Variants in NEMP2 observed in about 807,000 individuals in gnomAD.
The protein encoded by NEMP2 is nuclear envelope integral membrane protein 2, also known as UPF0571 transmembrane protein.
In NEMP2, 53 loss-of-function variants were observed where a neutral mutation model predicts 54.2. The observed-to-expected ratio is 0.98, with a 90% CI of 0.78 to 1.23. NEMP2 has a LOEUF of 1.23. Among genes scored for constraint, NEMP2 ranks in the 50% most tolerant of loss-of-function variants. NEMP2 has a pLI of 0.00. For synonymous variants in NEMP2, 197 were observed against 190.3 expected (o/e 1.04, Z -0.29); for missense variants, 455 against 511.3 (o/e 0.89, Z 1.06).
the NEMP2 span, among the ~76,000 whole-genome samples, chr2:190,429,466 C>T: frequency 6.6e-5 from 10 of 152,110 alleles, no homozygotes; most frequent in Admixed American, 3.9e-4. Flanking sequence ...GCTGGGATTA[C>T]AGGCACCCAC....
At chr2:190,645,510 C>T in the NEMP2 span, among the ~76,000 whole-genome samples, 1 of 152,146 alleles carries the variant, frequency 6.6e-6, no homozygotes, top group Non-Finnish European at 1.5e-5. Flanking sequence ...ATATTTTAGA[C>T]ACTTCTATTA....
the NEMP2 span, among the ~76,000 whole-genome samples, chr2:190,555,835 A>C: frequency 6.6e-6 from 1 of 152,194 alleles, no homozygotes; most frequent in East Asian, 1.9e-4. The surrounding 1 kb of genome is among the most constrained non-coding windows in gnomAD (Gnocchi z 4.8). Flanking sequence ...GCAGCAATTA[A>C]TAGCCCACCA....
chr2:190,443,114 A>AC, the NEMP2 span: 2 of 151,950 alleles, frequency 1.3e-5, no homozygotes, highest in Non-Finnish European at 2.9e-5. This position sits in a 1 kb window ranked among gnomAD's most constrained non-coding sequence, Gnocchi z 4.2. Flanking sequence ...CTTTCTGAGC[A>AC]CCCCCCAATA....
At chr2:190,625,906 T>A in the NEMP2 span, 1 of 152,176 alleles carries the variant, frequency 6.6e-6, no homozygotes, top group South Asian at 2.1e-4. Flanking sequence ...GACCCAAATA[T>A]GTCTCTTTTT....
chr2:190,617,212 C>A, the NEMP2 span: 2 of 152,012 alleles, frequency 1.3e-5, no homozygotes, highest in Admixed American at 6.5e-5. The surrounding 1 kb of genome is among the most constrained non-coding windows in gnomAD (Gnocchi z 5.0). Flanking sequence ...AATTTCTATT[C>A]CTACCCCATA....
At chr2:190,454,450 G>C in the NEMP2 span, 1 of 152,126 alleles carries the variant, frequency 6.6e-6, no homozygotes, top group South Asian at 2.1e-4. This position sits in a 1 kb window ranked among gnomAD's most constrained non-coding sequence, Gnocchi z 4.6. Flanking sequence ...TCATGAGAGT[G>C]GGGCCCTCAT....
rs912805948 is a variant in NEMP2, at chr2:190,530,756, T to C, written c.97+3803A>G. On this transcript the variant is annotated intron_variant, in intron 1 of 8. Transcript: ENST00000409150. This position sits in a 1 kb window ranked among gnomAD's most constrained non-coding sequence, Gnocchi z 4.6. ...GATTATGCCCTGACACTGAAGGCTA[T>C]GAAGCTGCCTGCATGTCTGCGGGTT... is the stretch of plus-strand genomic sequence containing the variant. Among the ~76,000 whole-genome samples the C allele has an allele frequency of 1.3e-5, 2 of 152,240 alleles. No individual in the cohort carries two copies. Among genetic ancestry groups the C allele is most frequent in the Non-Finnish European group, 2.9e-5 (2 of 68,040 alleles).
chr2:190,622,744 T>A, the NEMP2 span, among the ~76,000 whole-genome samples: 1 of 151,902 alleles, frequency 6.6e-6, no homozygotes, highest in African/African-American at 2.4e-5. Context: ...TCAGAATATA[T>A]AAAGAATTCT....
chr2:190,500,945 A>G (rs1559149059), downstream of NEMP2: 1 of 152,236 alleles, frequency 6.6e-6, no homozygotes, highest in African/African-American at 2.4e-5. This position sits in a 1 kb window ranked among gnomAD's most constrained non-coding sequence, Gnocchi z 5.3. Context: ...TTTGAGAAAA[A>G]AAACAGAAAC....
At chr2:190,504,220 C>T (rs765214885), downstream of NEMP2, 3 of 152,158 alleles carry the variant, frequency 2.0e-5, no homozygotes, top group Non-Finnish European at 4.4e-5. The surrounding 1 kb of genome is among the most constrained non-coding windows in gnomAD (Gnocchi z 5.6). Flanking sequence ...AGGTATGTAA[C>T]AGGTTGATGT....
the NEMP2 span, among the ~76,000 whole-genome samples, chr2:190,615,847 T>C: frequency 7.2e-5 from 11 of 152,168 alleles, no homozygotes; most frequent in Non-Finnish European, 1.6e-4. This position sits in a 1 kb window ranked among gnomAD's most constrained non-coding sequence, Gnocchi z 4.7. Context: ...ATCTATTTCT[T>C]ATTATGGCAC....
At chr2:190,431,241 G>A in the NEMP2 span, among the ~76,000 whole-genome samples, 2 of 151,354 alleles carry the variant, frequency 1.3e-5, no homozygotes, top group East Asian at 3.9e-4. This position sits in a 1 kb window ranked among gnomAD's most constrained non-coding sequence, Gnocchi z 4.4. Context: ...AGGCAGAGGG[G>A]CTCCTCACCT....
chr2:190,542,055 G>C, the NEMP2 span, among the ~76,000 whole-genome samples: 1 of 152,132 alleles, frequency 6.6e-6, no homozygotes, highest in Non-Finnish European at 1.5e-5. The surrounding 1 kb of genome is among the most constrained non-coding windows in gnomAD (Gnocchi z 4.6). Flanking sequence ...CCTTGGGGTA[G>C]TCTTACTAAG....
the NEMP2 span, among the ~76,000 whole-genome samples, chr2:190,560,461 C>A: frequency 6.6e-6 from 1 of 152,078 alleles, no homozygotes; most frequent in Non-Finnish European, 1.5e-5. This position sits in a 1 kb window ranked among gnomAD's most constrained non-coding sequence, Gnocchi z 5.4. Context: ...GCATGTTAGT[C>A]ATTTTATCTT....
chr2:190,644,272 G>C, the NEMP2 span, among the ~76,000 whole-genome samples: 65 of 152,258 alleles, frequency 4.3e-4, no homozygotes, highest in African/African-American at 1.2e-3. The surrounding 1 kb of genome is among the most constrained non-coding windows in gnomAD (Gnocchi z 4.4). Flanking sequence ...AATTGAAAAG[G>C]GAATAGCTTG....
At chr2:190,632,947 G>A in the NEMP2 span, among the ~76,000 whole-genome samples, 9 of 152,144 alleles carry the variant, frequency 5.9e-5, no homozygotes, top group Admixed American at 6.5e-5. This position sits in a 1 kb window ranked among gnomAD's most constrained non-coding sequence, Gnocchi z 4.8. Flanking sequence ...CCCACCCACC[G>A]TTGCAGTACT....
the NEMP2 span, among the ~76,000 whole-genome samples, chr2:190,471,451 C>T: frequency 6.6e-6 from 1 of 152,202 alleles, no homozygotes; most frequent in African/African-American, 2.4e-5. This position sits in a 1 kb window ranked among gnomAD's most constrained non-coding sequence, Gnocchi z 4.7. Flanking sequence ...ATATCCCGCA[C>T]CTGGCTTGGA....
chr2:190,441,422 G>A, the NEMP2 span, among the ~76,000 whole-genome samples: 602 of 151,060 alleles, frequency 4.0e-3, 6 homozygotes, highest in South Asian at 0.017. Flanking sequence ...AGCCAAGGTT[G>A]AGAACCACCA....
At chr2:190,460,446 C>T in the NEMP2 span, among the ~76,000 whole-genome samples, 1,174 of 152,156 alleles carry the variant, frequency 7.7e-3, 12 homozygotes, top group African/African-American at 0.026. Context: ...AGTGTATATC[C>T]CTAGCACTTA....
Sources: gnomAD v4.1 joint callset for allele counts (sites outside exome capture counted in the v4.1 genomes callset) on GRCh38, gnomAD v4.1.1 for gene constraint, Gnocchi (gnomAD v3.1) non-coding constraint, MANE v1.5 for transcripts, NCBI Gene and HGNC (gene_info 2026-07-23, HGNC 2026-07-21) for gene names.